The following GLRA1 variants were observed in gnomAD, a reference collection of about 807,000 sequenced individuals.
GLRA1 encodes the protein glycine receptor subunit alpha-1.
GLRA1 carries 37 observed loss-of-function variants against 48.3 expected under a neutral mutation model. The observed-to-expected ratio is 0.77, with a 90% confidence interval of 0.59 to 1.01. The LOEUF is 1.01. Among genes scored for constraint, GLRA1 ranks in the 50% least tolerant of loss-of-function variants. The probability of loss-of-function intolerance (pLI) is 0.00; values close to 1 mark genes in which losing one functional copy is unlikely to be tolerated. For synonymous variants in GLRA1, 196 were observed against 210.7 expected, an observed-to-expected ratio of 0.93 and a Z score of 0.60; for missense variants, 427 against 571.0, an observed-to-expected ratio of 0.75 and a Z score of 2.57.
chr5:151,888,480 G>A (rs1753976118), intron 2 of GLRA1, among the ~76,000 whole-genome samples: 1 of 152,160 alleles, frequency 6.6e-6, no homozygotes, highest in African/African-American at 2.4e-5. Flanking sequence ...AGCTTCAGTG[G>A]TTTGGAATTC....
chr5:151,918,450 G>C (rs199898915), intron 1 of GLRA1, among the ~76,000 whole-genome samples: 1 of 152,158 alleles, frequency 6.6e-6, no homozygotes, highest in Non-Finnish European at 1.5e-5. Flanking sequence ...TTCTTAAAAC[G>C]AGGCTTTTGC....
At chr5:151,872,782 A>T (rs1362637973) in intron 3 of GLRA1, among the ~76,000 whole-genome samples, 1 of 149,946 alleles carries the variant, frequency 6.7e-6, no homozygotes, top group Admixed American at 6.6e-5. Context: ...TTGTTTTCCC[A>T]TGTTTCGAAA....
intron 7 of GLRA1, among the ~76,000 whole-genome samples, chr5:151,845,024 TTTTA>T (rs1406966806): frequency 1.3e-5 from 2 of 152,140 alleles, no homozygotes; most frequent in Admixed American, 1.3e-4. Context: ...TTTTTTAAAA[TTTTA>T]TTTATTTTTA....
Position 151,822,580 on chromosome 5 carries a change from CT to C in GLRA1, c.*92del. 1 of 882,816 alleles carries C rather than the reference CT, an allele frequency of 1.1e-6. No homozygotes were observed. Among genetic ancestry groups the C allele is most frequent in the Non-Finnish European group, 1.9e-6 (1 of 520,660 alleles). 54.7% of individuals were successfully genotyped at this position (882,816 alleles called of 1,614,324 possible). A position where few individuals can be genotyped will look rare whatever the true frequency, so the allele number is the denominator to read the frequency against. ...AGAGAGAGTTGTGTAAGTGTGCCCC[CT>C]CCCTCCGTTCCCCTTCTCTTCCTTA... On this transcript the variant is annotated 3_prime_UTR_variant, in exon 9 of 9. Coordinates refer to ENST00000274576, the MANE Select transcript of GLRA1 (RefSeq NM_000171.4).
chr5:151,824,975 G>A (rs1167284463), intron 8 of GLRA1, among the ~76,000 whole-genome samples: 1 of 152,170 alleles, frequency 6.6e-6, no homozygotes, highest in Non-Finnish European at 1.5e-5. Context: ...TTGTTTAAAT[G>A]GAGTTGTATT....
chr5:151,842,344 C>CAAAAAAA (rs57227549), intron 7 of GLRA1, among the ~76,000 whole-genome samples: 1 of 139,940 alleles, frequency 7.1e-6, no homozygotes, highest in African/African-American at 2.6e-5. Context: ...TGAATACAGA[C>CAAAAAAA]AAAAAAAAAA....
At chr5:151,888,898 G>A (rs1233622934) in intron 2 of GLRA1, among the ~76,000 whole-genome samples, 1 of 152,200 alleles carries the variant, frequency 6.6e-6, no homozygotes, top group African/African-American at 2.4e-5. Context: ...GTGGAAGTCT[G>A]CCTCCTTGTC....
intron 7 of GLRA1, chr5:151,849,583 A>T (rs1339333769): frequency 1.5e-5 from 2 of 132,904 alleles, no homozygotes; most frequent in Non-Finnish European, 3.2e-5. Flanking sequence ...TGGAGTTTTC[A>T]CTCTTGTTGC....
chr5:151,840,940 T>C (rs181580126), intron 7 of GLRA1, among the ~76,000 whole-genome samples: 66 of 152,244 alleles, frequency 4.3e-4, no homozygotes, highest in African/African-American at 1.5e-3. Flanking sequence ...ATACTTGGTG[T>C]CTTCAAAACC....
At chr5:151,921,488 C>A (rs1356827939) in intron 1 of GLRA1, among the ~76,000 whole-genome samples, 1 of 152,164 alleles carries the variant, frequency 6.6e-6, no homozygotes, top group Non-Finnish European at 1.5e-5. Context: ...TCCCACAATG[C>A]CCAGGACAAC....
At chr5:151,914,681 A>G (rs933188417) in intron 1 of GLRA1, among the ~76,000 whole-genome samples, 1 of 152,174 alleles carries the variant, frequency 6.6e-6, no homozygotes, top group Non-Finnish European at 1.5e-5. Context: ...GGCAGGTGGG[A>G]CAAAGGAGAA....
intron 3 of GLRA1, 28 bp downstream of exon 3, chr5:151,886,693 C>T: frequency 6.7e-7 from 1 of 1,498,334 alleles, no homozygotes; most frequent in Non-Finnish European, 9.3e-7. Context: ...CCAGCAGGAA[C>T]TAACAGCTTG....
chr5:151,826,379 T>G (rs879401465), intron 8 of GLRA1, among the ~76,000 whole-genome samples: 2 of 152,220 alleles, frequency 1.3e-5, no homozygotes, highest in Non-Finnish European at 2.9e-5. Flanking sequence ...GGATGAGGCT[T>G]AGTTTTTATT....
At chr5:151,908,807 T>TG (rs1265351875) in intron 1 of GLRA1, among the ~76,000 whole-genome samples, 1 of 152,242 alleles carries the variant, frequency 6.6e-6, no homozygotes, top group Non-Finnish European at 1.5e-5. Flanking sequence ...CTTCCCATTG[T>TG]GGCTGTGATT....
intron 2 of GLRA1, 52 bp from the exon 3 acceptor site, chr5:151,886,840 C>A: frequency 7.8e-7 from 1 of 1,279,944 alleles, no homozygotes; most frequent in Non-Finnish European, 1.1e-6. Flanking sequence ...GAAGAACCCA[C>A]AGGGTAGGAC....
At chr5:151,894,619 A>G (rs1292892285) in intron 1 of GLRA1, among the ~76,000 whole-genome samples, 1 of 152,198 alleles carries the variant, frequency 6.6e-6, no homozygotes. Context: ...AAGAGCAGGA[A>G]TCATGGTGGT....
chr5:151,870,405 C>T (rs2113377423), intron 3 of GLRA1, among the ~76,000 whole-genome samples: 1 of 149,674 alleles, frequency 6.7e-6, no homozygotes, highest in South Asian at 2.1e-4. Context: ...CTAAGATCAC[C>T]CTCTGAGAGT....
intron 1 of GLRA1, among the ~76,000 whole-genome samples, chr5:151,916,543 G>C (rs1051218758): frequency 3.3e-5 from 5 of 152,220 alleles, no homozygotes; most frequent in African/African-American, 1.2e-4. Context: ...GGAAGATCAT[G>C]GTCCTGAGGT....
At chr5:151,838,882 CTTTT>C (rs1561550101) in intron 7 of GLRA1, among the ~76,000 whole-genome samples, 1 of 151,456 alleles carries the variant, frequency 6.6e-6, no homozygotes, top group South Asian at 2.1e-4. Context: ...AAGTCAGAAT[CTTTT>C]TTTTTCAGAT....
Sources: allele counts gnomAD v4.1 joint callset (sites outside exome capture counted in the v4.1 genomes callset), GRCh38; gene constraint gnomAD v4.1.1; transcripts MANE v1.5; gene names NCBI Gene and HGNC (gene_info 2026-07-23, HGNC 2026-07-21).